Variants in CERCAM observed in about 807,000 individuals in gnomAD.
CERCAM encodes the protein inactive glycosyltransferase 25 family member 3.
In CERCAM, 59 loss-of-function variants were observed where a neutral mutation model predicts 66.0. That is an observed-to-expected ratio of 0.89 (90% CI 0.73 to 1.11). CERCAM has a LOEUF of 1.11. CERCAM is among the 50% of genes most tolerant of loss of function. CERCAM has a pLI of 0.00. For missense variants in CERCAM, 840 were observed against 828.3 expected, an observed-to-expected ratio of 1.01 and a Z score of -0.17; for synonymous variants, 318 against 343.6, an observed-to-expected ratio of 0.93 and a Z score of 0.83.
At position 128,434,067 on chromosome 9, in the gene CERCAM, C is replaced by G; in HGVS notation, c.1204-35C>G. On this transcript the variant is annotated intron_variant, in intron 9 of 12. Coordinates refer to ENST00000372838, the MANE Select transcript of CERCAM (RefSeq NM_016174.5). The surrounding 1 kb of genome is among the most constrained non-coding windows in gnomAD (Gnocchi z 4.5). ...TGGAGGGAGGGGGGTTGTTTAACTC[C>G]GAAGAGCCATCTCCCACCCCATTGT... The G allele has an allele frequency of 6.2e-7, 1 of 1,610,864 alleles. No individual in the cohort carries two copies.
chr9:128,431,131 T>G (rs757138276), intron 8 of CERCAM, 40 bp from the exon 9 acceptor site: 4 of 1,606,096 alleles, frequency 2.5e-6, no homozygotes, highest in Non-Finnish European at 3.4e-6. Context: ...GAGGGGTCTC[T>G]GGCAGGCACC....
intron 1 of CERCAM, chr9:128,421,851 C>G (rs1438034448): frequency 2.0e-5 from 3 of 152,288 alleles, no homozygotes; most frequent in Non-Finnish European, 4.4e-5. Context: ...GGAGGCCGCC[C>G]ACAATTACCA....
At chr9:128,432,380 C>CT (rs1269523487) in intron 9 of CERCAM, among the ~76,000 whole-genome samples, 1,430 of 118,244 alleles carry the variant, frequency 0.012, 27 homozygotes, top group African/African-American at 0.028. Flanking sequence ...TGGTTCACTA[C>CT]TTTTTTTTTT....
intron 5 of CERCAM, among the ~76,000 whole-genome samples, chr9:128,427,176 G>A (rs959240601): frequency 5.3e-5 from 8 of 151,894 alleles, no homozygotes; most frequent in Admixed American, 3.3e-4. Flanking sequence ...GCAGTGGCGC[G>A]ATTTTGGCTC....
chr9:128,433,278 CAAAAAAAAAAAAAAAA>C, intron 9 of CERCAM, among the ~76,000 whole-genome samples: 1 of 70,642 alleles, frequency 1.4e-5, no homozygotes, highest in East Asian at 3.5e-4. Context: ...AACTCCGTCT[CAAAAAAAAAAAAAAAA>C]AAAAAAATTA....
chr9:128,421,146 G>C (rs1295534000), intron 1 of CERCAM, 72 bp downstream of exon 1: 2 of 1,259,126 alleles, frequency 1.6e-6, no homozygotes, highest in Non-Finnish European at 2.0e-6. Flanking sequence ...CGCCCCCGGC[G>C]GCCCTGTCTG....
Position 128,434,762 on chromosome 9 carries a change from C to T in CERCAM, c.1535+149C>T. The T allele has an allele frequency of 1.4e-6, 1 of 709,698 alleles. No homozygotes were observed. The highest frequency in any genetic ancestry group is 2.7e-5 in the East Asian group (1 of 36,920). 44.0% of individuals were successfully genotyped at this position (709,698 alleles called of 1,614,324 possible). ...CTTGGCCCAGGTCACCAAGGAGTGGCTCAGCCTAGCCTTAGAGTCAGTCCA... is the reference window on the plus strand; with the variant it reads ...CTTGGCCCAGGTCACCAAGGAGTGGTTCAGCCTAGCCTTAGAGTCAGTCCA... On this transcript the variant is annotated intron_variant, in intron 11 of 12. Coordinates refer to ENST00000372838, the MANE Select transcript of CERCAM (RefSeq NM_016174.5). This position sits in a 1 kb window ranked among gnomAD's most constrained non-coding sequence, Gnocchi z 4.5.
chr9:128,434,217 C>T lies in CERCAM; in HGVS notation c.1319C>T (p.Ser440Phe). 6.2e-7 allele frequency: 1 copy of T among 1,614,038 alleles called. No homozygotes were observed. The highest frequency in any genetic ancestry group is 1.1e-5 in the South Asian group (1 of 91,066). Reference sequence around the variant, plus strand: ...GAGGATGTGGAGGCAGAGAAACTGTCTTGGGACCTGATGTAGGCAGCCTGC... The same window carrying T: ...GAGGATGTGGAGGCAGAGAAACTGTTTTGGGACCTGATGTAGGCAGCCTGC... ...LMEDVEAEKL[S>F]WDLIYLGRKQ... Residue 440 changes from serine to phenylalanine, a missense_variant, in exon 10 of 13, where the codon TCT becomes TTT. Transcript: ENST00000372838. The surrounding 1 kb of genome is among the most constrained non-coding windows in gnomAD (Gnocchi z 4.5).
rs549827397 is a variant in CERCAM at position 128,435,386 on chromosome 9, G to A, written c.1536-267G>A. 2.6e-5 allele frequency among the ~76,000 whole-genome samples: 4 copies of A among 152,274 alleles called. No homozygotes were observed. In the East Asian group the frequency reaches 5.8e-4, roughly 22 times the overall value. Reference sequence around the variant, plus strand: ...CGACTTCAGGTGATCCGCCCGTCTCGGCTTCCCAAAGTGCTGGGATTATAG... The same window carrying A: ...CGACTTCAGGTGATCCGCCCGTCTCAGCTTCCCAAAGTGCTGGGATTATAG... On this transcript the variant is annotated intron_variant, in intron 11 of 12. Transcript: ENST00000372838.
chr9:128,424,642 C>G, intron 5 of CERCAM, 28 bp downstream of exon 5: 1 of 1,600,550 alleles, frequency 6.2e-7, no homozygotes, highest in Non-Finnish European at 8.6e-7. Flanking sequence ...TTTAGCATTC[C>G]TTGGAGGCCT....
Position 128,436,577 on chromosome 9 carries a change from A to G in CERCAM, c.*1-272A>G, listed in dbSNP as rs567824623. Among the ~76,000 whole-genome samples, 20 of 151,918 alleles carry G rather than the reference A, an allele frequency of 1.3e-4. 1 individual carries two copies. The highest frequency in any genetic ancestry group is 4.8e-4 in the African/African-American group (20 of 41,494). ...GTATTTTTAGTAGAGACAGGGTGTCATCATGTTGGCCAGGCTGGTTTTCAA... is the reference window on the plus strand; with the variant it reads ...GTATTTTTAGTAGAGACAGGGTGTCGTCATGTTGGCCAGGCTGGTTTTCAA... On this transcript the variant is annotated intron_variant, in intron 12 of 12. Transcript: ENST00000372838.
rs145774225 is a variant in CERCAM at position 128,435,436 on chromosome 9, A to G, written c.1536-217A>G. Among the ~76,000 whole-genome samples, 22 of 152,270 alleles carry G rather than the reference A, an allele frequency of 1.4e-4. No individual in the cohort carries two copies. In the East Asian group the frequency reaches 4.2e-3, roughly 29 times the overall value. ...GGCATGAGCCACTGCGCTCGGCTGC[A>G]TGCAGTTTTTAATCAAATGACTTCC... On this transcript the variant is annotated intron_variant, in intron 11 of 12. Transcript: ENST00000372838.
chr9:128,436,364 C>T (rs188705918), intron 12 of CERCAM, among the ~76,000 whole-genome samples: 173 of 152,342 alleles, frequency 1.1e-3, no homozygotes, highest in Admixed American at 2.9e-3. Flanking sequence ...TCTCCTGTCT[C>T]AGCCTCCCGA....
chr9:128,424,738 T>G, intron 5 of CERCAM, 124 bp downstream of exon 5: 1 of 866,806 alleles, frequency 1.2e-6, no homozygotes, highest in Non-Finnish European at 1.8e-6. Flanking sequence ...AGTTACAACT[T>G]TGGGTCATGA....
At chr9:128,425,963 C>T (rs1486658348) in intron 5 of CERCAM, among the ~76,000 whole-genome samples, 1 of 151,794 alleles carries the variant, frequency 6.6e-6, no homozygotes, top group African/African-American at 2.4e-5. Flanking sequence ...CACCACCATG[C>T]CCAGCTAATT....
In CERCAM at chr9:128,437,052, G is replaced by A. The variant is rs1352700622; in HGVS notation, c.*204G>A. On this transcript the variant is annotated 3_prime_UTR_variant, in exon 13 of 13. Transcript: ENST00000372838. ...ATTCCCTAAAGGTCTCACAGCAAAGGAGCAGGACTCCCAGGCCCCTGTACC... is the reference window on the plus strand; with the variant it reads ...ATTCCCTAAAGGTCTCACAGCAAAGAAGCAGGACTCCCAGGCCCCTGTACC... 1 of 152,408 alleles carries A rather than the reference G, an allele frequency of 6.6e-6. No homozygotes were observed. The highest frequency in any genetic ancestry group is 2.4e-5 in the African/African-American group (1 of 41,434). The allele number at this position is 152,408 out of a possible 1,614,324, so 9.4% of individuals were successfully genotyped here.
rs142843167 is a variant in CERCAM, at chr9:128,424,592, C to T, written c.744C>T (p.Phe248=). ...GGCCTTTCGACGACATCATCGTCTT[C>T]GCCTATGCCTGCCAGGCTGCTGGTG... is the stretch of plus-strand genomic sequence containing the variant. ...YTWPFDDIIV[F]AYACQAAGVS... The change falls in exon 5 of 13, where the codon TTC becomes TTT. Residue 248 remains phenylalanine, a synonymous_variant. Coordinates refer to ENST00000372838, the MANE Select transcript of CERCAM (RefSeq NM_016174.5). 191 of 1,614,038 alleles carry T rather than the reference C, an allele frequency of 1.2e-4. No homozygotes were observed. The highest frequency in any genetic ancestry group is 1.5e-4 in the Non-Finnish European group (178 of 1,180,048).
Position 128,428,813 on chromosome 9 carries a change from A to G in CERCAM, c.943A>G (p.Ser315Gly), listed in dbSNP as rs1320194522. Residue 315 changes from serine to glycine, a missense_variant, in exon 7 of 13, where the codon AGC becomes GGC. Ser to Gly is a moderately conservative substitution (Grantham distance 56). Coordinates refer to ENST00000372838, the MANE Select transcript of CERCAM (RefSeq NM_016174.5). ...TGTGACTCGGCCCTCTAAGAGGCCCAGCAAGATAGGGTTTGACGAGGTAAG... is the reference window on the plus strand; with the variant it reads ...TGTGACTCGGCCCTCTAAGAGGCCCGGCAAGATAGGGTTTGACGAGGTAAG... The part of the protein sequence containing the change: ...AHVTRPSKRP[S>G]KIGFDEVFVI... 6.2e-7 allele frequency: 1 copy of G among 1,613,882 alleles called. No homozygotes were observed. The highest frequency in any genetic ancestry group is 8.5e-7 in the Non-Finnish European group (1 of 1,180,008).
chr9:128,429,017 G>T lies in CERCAM; in HGVS notation c.1051G>T (p.Val351Leu). 6.2e-7 allele frequency: 1 copy of T among 1,607,470 alleles called. No homozygotes were observed. Residue 351 changes from valine (V) to leucine (L), a missense_variant, in exon 8 of 13, where the codon GTG becomes TTG. Val to Leu is a conservative substitution (Grantham distance 32). Coordinates refer to ENST00000372838, the MANE Select transcript of CERCAM (RefSeq NM_016174.5). The part of the protein sequence containing the change: ...LWEMEISGRV[V>L]DAVDGWMLNS... ...GGAGATGGAGATCTCTGGGAGGGTG[G>T]TGGACGCTGTGGATGGCTGGTGAGC...
Sources: allele counts gnomAD v4.1 joint callset (sites outside exome capture counted in the v4.1 genomes callset), GRCh38; gene constraint gnomAD v4.1.1; non-coding constraint Gnocchi (gnomAD v3.1); transcripts MANE v1.5; gene names NCBI Gene and HGNC (gene_info 2026-07-23, HGNC 2026-07-21).